The following ALMS1 variants were observed in gnomAD, a reference collection of about 807,000 sequenced individuals.
ALMS1 encodes ALMS1 centrosome and basal body associated protein, also known as centrosome-associated protein ALMS1.
Under a neutral mutation model 352.2 loss-of-function variants are expected in ALMS1, and 271 were observed. The ratio of observed to expected loss-of-function variants is 0.77; its 90% confidence interval spans 0.70 to 0.85. The LOEUF (loss-of-function observed/expected upper bound fraction) is 0.85, where lower values mean the gene tolerates loss of function less well. Among genes scored for constraint, ALMS1 ranks in the 40% least tolerant of loss-of-function variants. The probability of loss-of-function intolerance (pLI) is 0.00; values close to 1 mark genes in which losing one functional copy is unlikely to be tolerated. For synonymous variants in ALMS1, 1,865 were observed against 1,761.2 expected (o/e 1.06, Z -1.48); for missense variants, 5,445 against 4,870.7 (o/e 1.12, Z -3.51).
intron 10 of ALMS1, among the ~76,000 whole-genome samples, chr2:73,496,337 A>T (rs1337805329): frequency 6.6e-6 from 1 of 152,232 alleles, no homozygotes; most frequent in Non-Finnish European, 1.5e-5. Context: ...TGGAATCATA[A>T]AATATGTAAC....
chr2:73,574,322 A>G (rs1675007082), intron 16 of ALMS1, among the ~76,000 whole-genome samples: 1 of 152,212 alleles, frequency 6.6e-6, no homozygotes, highest in South Asian at 2.1e-4. Context: ...TTCAAGTATC[A>G]CTAGACATGC....
chr2:73,427,147 A>G (rs1447065500), intron 6 of ALMS1, among the ~76,000 whole-genome samples: 1 of 152,312 alleles, frequency 6.6e-6, no homozygotes, highest in East Asian at 1.9e-4. Context: ...TATTCATGGG[A>G]ACATCCAAAA....
rs1176845005 is a variant in ALMS1 at position 73,462,044 on chromosome 2, C to T, written c.7674+6749C>T. ...GGAAAACACTCTGCAGGATATTATC[C>T]GGGAGAACTTCCCCAATCTAGCAAG... On this transcript the variant is annotated intron_variant, in intron 9 of 22. Transcript: ENST00000613296. Among the ~76,000 whole-genome samples, 7 of 151,772 alleles carry T rather than the reference C, an allele frequency of 4.6e-5. No individual in the cohort carries two copies. The East Asian group carries it at 5.8e-4, about 13-fold the overall frequency.
intron 11 of ALMS1, among the ~76,000 whole-genome samples, chr2:73,522,276 A>G (rs920580548): frequency 2.0e-5 from 3 of 152,226 alleles, no homozygotes; most frequent in Non-Finnish European, 4.4e-5. Flanking sequence ...ACTGCATGGC[A>G]TATTCAGCCA....
chr2:73,528,422 A>G lies in ALMS1; in HGVS notation c.9782-6402A>G, dbSNP rs113370402. ...GGGTACTCCACCGTTGGGTCCATATATATTTACAGTTGTTATATCCTCTTG... is the reference window on the plus strand; with the variant it reads ...GGGTACTCCACCGTTGGGTCCATATGTATTTACAGTTGTTATATCCTCTTG... On this transcript the variant is annotated intron_variant, in intron 11 of 22. Coordinates refer to ENST00000613296, the MANE Select transcript of ALMS1 (RefSeq NM_001378454.1). Among the ~76,000 whole-genome samples the G allele has an allele frequency of 8.4e-3, 1,282 of 152,316 alleles. 15 individuals are homozygous for G. Among genetic ancestry groups the G allele is most frequent in the African/African-American group, 0.029 (1,226 of 41,568 alleles).
In ALMS1 at chr2:73,452,376, T is replaced by C. The variant is rs773754661; in HGVS notation, c.5849T>C (p.Ile1950Thr). ...TCACGTAGAGAGAAGCCCAGTGTTA[T>C]CTCTCAACAGGAGTTGCCAGACAGT... ...YYSRREKPSV[I>T]SQQELPDSHL... is the part of the protein sequence containing the mutation. The change falls in exon 8 of 23, where the codon ATC becomes ACC. Residue 1950 changes from isoleucine to threonine, a missense_variant. Coordinates refer to ENST00000613296, the MANE Select transcript of ALMS1 (RefSeq NM_001378454.1). 24 of 1,613,748 alleles carry C rather than the reference T, an allele frequency of 1.5e-5. No homozygotes were observed. The highest frequency in any genetic ancestry group is 1.7e-5 in the Non-Finnish European group (20 of 1,179,924).
rs577646882 is a variant in ALMS1, at chr2:73,475,456, C to T, written c.7675-14178C>T. On this transcript the variant is annotated intron_variant, in intron 9 of 22. Transcript: ENST00000613296. ...TAAGGGGTATTTATTGTGTTTTTTA[C>T]CTATTTCTAACAACTAATGGTGTTG... 4.6e-5 allele frequency among the ~76,000 whole-genome samples: 7 copies of T among 152,052 alleles called. No homozygotes were observed. The South Asian group carries it at 1.5e-3, about 32-fold the overall frequency.
intron 3 of ALMS1, 26 bp downstream of exon 3, chr2:73,419,344 A>T (rs1453483611): frequency 1.9e-6 from 3 of 1,602,336 alleles, no homozygotes; most frequent in East Asian, 4.5e-5. Flanking sequence ...TTTAACTAGT[A>T]GTAATACCTC....
chr2:73,441,859 C>T (rs966205778), intron 7 of ALMS1, among the ~76,000 whole-genome samples: 1 of 151,816 alleles, frequency 6.6e-6, no homozygotes, highest in Non-Finnish European at 1.5e-5. Context: ...CAGAAGACAA[C>T]TGGAGTTTTG....
chr2:73,480,227 T>A (rs1672667051), intron 9 of ALMS1, among the ~76,000 whole-genome samples: 2 of 151,502 alleles, frequency 1.3e-5, no homozygotes, highest in South Asian at 2.1e-4. Flanking sequence ...CCGTCCCCAC[T>A]CCCCCCACCC....
At chr2:73,559,930 C>G (rs932973187) in intron 15 of ALMS1, among the ~76,000 whole-genome samples, 16 of 152,090 alleles carry the variant, frequency 1.1e-4, no homozygotes, top group African/African-American at 3.9e-4. Context: ...ATAAAACTCC[C>G]AGAAGAAAAC....
At chr2:73,401,669 C>G (rs749684661) in intron 1 of ALMS1, among the ~76,000 whole-genome samples, 12 of 148,732 alleles carry the variant, frequency 8.1e-5, no homozygotes, top group Non-Finnish European at 1.8e-4. Flanking sequence ...CGTGATCTCA[C>G]ATAGTTACTG....
At chr2:73,417,298 G>A (rs1191633850) in intron 2 of ALMS1, among the ~76,000 whole-genome samples, 1 of 152,132 alleles carries the variant, frequency 6.6e-6, no homozygotes, top group Non-Finnish European at 1.5e-5. Context: ...GATTACTGAG[G>A]AGGAAATTGA....
intron 1 of ALMS1, among the ~76,000 whole-genome samples, chr2:73,390,999 G>C (rs1670633386): frequency 6.6e-6 from 1 of 151,896 alleles, no homozygotes; most frequent in East Asian, 1.9e-4. Context: ...TTGATCTCTT[G>C]ACCTCAGGTT....
chr2:73,558,181 T>C (rs534522514), intron 14 of ALMS1, among the ~76,000 whole-genome samples: 23 of 152,356 alleles, frequency 1.5e-4, no homozygotes, highest in African/African-American at 5.5e-4. Context: ...AATAACAATG[T>C]GCCCAGCTAA....
chr2:73,572,445 G>T lies in ALMS1; in HGVS notation c.10568G>T (p.Arg3523Ile). 1 of 1,613,908 alleles carries T rather than the reference G, an allele frequency of 6.2e-7. No homozygotes were observed. Among genetic ancestry groups the T allele is most frequent in the Non-Finnish European group, 8.5e-7 (1 of 1,179,968 alleles). ...TTTCAGCATCATCCAGACAAACATA[G>T]AGAACACATGTGTCTTCCTCTTCCT... is the stretch of plus-strand genomic sequence containing the variant. ...DFFQHHPDKHREHMCLPLPYQ... is the reference protein window; with the variant it reads ...DFFQHHPDKHIEHMCLPLPYQ... Residue 3523 changes from arginine (R) to isoleucine (I), a missense_variant, in exon 16 of 23, where the codon AGA becomes ATA. Coordinates refer to ENST00000613296, the MANE Select transcript of ALMS1 (RefSeq NM_001378454.1).
chr2:73,454,474 C>G (rs755514779), intron 8 of ALMS1: 18 of 712,684 alleles, frequency 2.5e-5, no homozygotes, highest in Admixed American at 6.3e-5. Flanking sequence ...CTCCAATTTG[C>G]TGTGCTCTAA....
chr2:73,464,053 C>G (rs1672269196), intron 9 of ALMS1, among the ~76,000 whole-genome samples: 1 of 152,170 alleles, frequency 6.6e-6, no homozygotes, highest in African/African-American at 2.4e-5. Context: ...TGAAACTATT[C>G]CAATCAATAG....
intron 9 of ALMS1, chr2:73,469,498 C>G (rs1194357390): frequency 2.6e-5 from 4 of 151,820 alleles, no homozygotes; most frequent in African/African-American, 7.2e-5. Flanking sequence ...ATATAACTCT[C>G]GTTAGGTATA....
Sources: allele counts gnomAD v4.1 joint callset (sites outside exome capture counted in the v4.1 genomes callset), GRCh38; gene constraint gnomAD v4.1.1; transcripts MANE v1.5; gene names NCBI Gene and HGNC (gene_info 2026-07-23, HGNC 2026-07-21).